The following DOCK7 variants were observed in gnomAD, a reference collection of about 807,000 sequenced individuals.
DOCK7 encodes dedicator of cytokinesis protein 7.
In DOCK7, 138 loss-of-function variants were observed where a neutral mutation model predicts 271.0. The ratio of observed to expected loss-of-function variants is 0.51; its 90% CI spans 0.44 to 0.59. The LOEUF (loss-of-function observed/expected upper bound fraction) is 0.59. Among genes scored for constraint, DOCK7 ranks in the 20% least tolerant of loss-of-function variants. The probability of loss-of-function intolerance (pLI) is 0.00; values close to 1 mark genes in which losing one functional copy is unlikely to be tolerated. For synonymous variants in DOCK7, 823 were observed against 876.1 expected, an observed-to-expected ratio of 0.94 and a Z score of 1.07; for missense variants, 2,066 against 2,592.4, an observed-to-expected ratio of 0.80 and a Z score of 4.41.
chr1:62,601,166 T>A (rs200655658), intron 14 of DOCK7: 22 of 1,609,230 alleles, frequency 1.4e-5, no homozygotes, highest in Non-Finnish European at 1.8e-5. Flanking sequence ...CTTTCTTCAG[T>A]TGAATGAAAT....
chr1:62,676,412 T>C (rs960051030), intron 1 of DOCK7, among the ~76,000 whole-genome samples: 2 of 152,212 alleles, frequency 1.3e-5, no homozygotes, highest in East Asian at 1.9e-4. Flanking sequence ...AAGGAATTTT[T>C]TGGGTGATGG....
intron 4 of DOCK7, among the ~76,000 whole-genome samples, chr1:62,650,622 A>G (rs1657220693): frequency 6.6e-6 from 1 of 152,222 alleles, no homozygotes; most frequent in South Asian, 2.1e-4. Context: ...ACCCTATCAA[A>G]AAGTGGGCAA....
intron 14 of DOCK7, chr1:62,604,689 A>G (rs1427013966): frequency 6.2e-7 from 1 of 1,613,142 alleles, no homozygotes; most frequent in Non-Finnish European, 8.5e-7. Flanking sequence ...TAAATATAAC[A>G]AACCAAGAGC....
At chr1:62,470,952 C>A (rs1233136614) in intron 48 of DOCK7, among the ~76,000 whole-genome samples, 1 of 152,144 alleles carries the variant, frequency 6.6e-6, no homozygotes, top group Non-Finnish European at 1.5e-5. Context: ...TCTGCCTCTG[C>A]CACTCTTTAG....
chr1:62,567,829 A>G (rs1646572451), intron 18 of DOCK7, among the ~76,000 whole-genome samples: 1 of 151,942 alleles, frequency 6.6e-6, no homozygotes, highest in African/African-American at 2.4e-5. Context: ...TAGCTCTTTC[A>G]ATCTAAAACA....
intron 35 of DOCK7, among the ~76,000 whole-genome samples, chr1:62,506,312 TA>T (rs909770016): frequency 1.3e-5 from 2 of 152,062 alleles, no homozygotes; most frequent in Non-Finnish European, 2.9e-5. Flanking sequence ...GTCATGCCCT[TA>T]AAAAAAGAAA....
intron 7 of DOCK7, among the ~76,000 whole-genome samples, chr1:62,643,790 C>T (rs1040839230): frequency 2.0e-5 from 3 of 151,948 alleles, no homozygotes; most frequent in Admixed American, 1.3e-4. Flanking sequence ...CATCTATTTA[C>T]ATCTTTGTGT....
chr1:62,534,155 T>C (rs529179683), intron 29 of DOCK7, among the ~76,000 whole-genome samples: 3 of 152,158 alleles, frequency 2.0e-5, no homozygotes, highest in Admixed American at 1.3e-4. Flanking sequence ...TGAGCCACCA[T>C]GTGTGGCTAA....
chr1:62,484,201 G>A (rs1003664704), intron 43 of DOCK7: 6 of 151,898 alleles, frequency 4.0e-5, no homozygotes, highest in African/African-American at 1.5e-4. Flanking sequence ...GTCCAATAAT[G>A]AGAGTTAAGA....
At chr1:62,553,632 C>T (rs977625181) in intron 21 of DOCK7, among the ~76,000 whole-genome samples, 16 of 151,068 alleles carry the variant, frequency 1.1e-4, no homozygotes, top group South Asian at 8.4e-4. Context: ...TCTTGGCCTC[C>T]TTGAAGCACT....
intron 2 of DOCK7, among the ~76,000 whole-genome samples, chr1:62,655,765 A>G (rs1358081777): frequency 6.6e-6 from 1 of 152,220 alleles, no homozygotes; most frequent in East Asian, 1.9e-4. Context: ...AAAATAATAA[A>G]TAACACATCT....
intron 31 of DOCK7, among the ~76,000 whole-genome samples, chr1:62,515,116 A>G (rs1211978843): frequency 1.3e-5 from 2 of 151,040 alleles, no homozygotes; most frequent in Non-Finnish European, 1.5e-5. Context: ...AATAAGTATT[A>G]TTACTCACCT....
chr1:62,551,238 T>C (rs886632136), intron 22 of DOCK7, among the ~76,000 whole-genome samples: 1 of 151,840 alleles, frequency 6.6e-6, no homozygotes, highest in Non-Finnish European at 1.5e-5. Flanking sequence ...TTATTGGTAA[T>C]GACAAGATTG....
At chr1:62,659,536 C>A (rs190250082) in intron 2 of DOCK7, among the ~76,000 whole-genome samples, 163 of 151,128 alleles carry the variant, frequency 1.1e-3, no homozygotes, top group African/African-American at 3.6e-3. Flanking sequence ...AGATTTAAAC[C>A]CTAACAGAGT....
At chr1:62,582,410 C>T (rs1371761223) in intron 16 of DOCK7, among the ~76,000 whole-genome samples, 2 of 149,770 alleles carry the variant, frequency 1.3e-5, no homozygotes, top group East Asian at 1.9e-4. Context: ...ATTAGCCGGG[C>T]GTAGTGGCGG....
chr1:62,511,687 TTTTCTTTCC>T (rs1192766382), intron 33 of DOCK7, among the ~76,000 whole-genome samples: 4 of 152,112 alleles, frequency 2.6e-5, no homozygotes, highest in South Asian at 2.1e-4. Flanking sequence ...TTTCTTTCCC[TTTTCTTTCC>T]TTTCTTTCCT....
chr1:62,494,177 G>A (rs1646549869), intron 40 of DOCK7, 98 bp downstream of exon 40: 4 of 1,153,834 alleles, frequency 3.5e-6, no homozygotes, highest in Non-Finnish European at 4.7e-6. Context: ...AAGTCTTTAA[G>A]CTTTCCTTAT....
At chr1:62,669,302 T>C (rs972717212) in intron 1 of DOCK7, among the ~76,000 whole-genome samples, 2 of 152,220 alleles carry the variant, frequency 1.3e-5, no homozygotes, top group African/African-American at 4.8e-5. Flanking sequence ...TCTTTGATAG[T>C]AGCATGTAAG....
chr1:62,534,139 C>A (rs1454649274), intron 29 of DOCK7, among the ~76,000 whole-genome samples: 1 of 152,094 alleles, frequency 6.6e-6, no homozygotes, highest in Non-Finnish European at 1.5e-5. Flanking sequence ...GCTGGGATTA[C>A]AGACATGAGC....
Sources: allele counts gnomAD v4.1 joint callset (sites outside exome capture counted in the v4.1 genomes callset), GRCh38; gene constraint gnomAD v4.1.1; transcripts MANE v1.5; gene names NCBI Gene and HGNC (gene_info 2026-07-23, HGNC 2026-07-21).